Variants in AHR observed in about 807,000 individuals in gnomAD.
The protein encoded by AHR is AH-receptor.
AHR carries 40 observed loss-of-function variants against 86.8 expected under a neutral mutation model. That is an observed-to-expected ratio of 0.46 (90% CI 0.36 to 0.60). AHR has a LOEUF of 0.60. Among genes scored for constraint, AHR ranks in the 20% least tolerant of loss-of-function variants. AHR has a pLI of 0.00. For synonymous variants in AHR, 398 were observed against 354.9 expected, an observed-to-expected ratio of 1.12 and a Z score of -1.37; for missense variants, 1,001 against 1,011.6, an observed-to-expected ratio of 0.99 and a Z score of 0.14.
intron 2 of AHR, among the ~76,000 whole-genome samples, chr7:17,315,020 A>C (rs1479917958): frequency 6.6e-6 from 1 of 152,020 alleles, no homozygotes; most frequent in Non-Finnish European, 1.5e-5. Context: ...CTTTTTTCCT[A>C]ATTCACATTT....
In AHR at chr7:17,333,941, T is replaced by C; in HGVS notation, c.735T>C (p.Tyr245=). 6.2e-7 allele frequency: 1 copy of C among 1,613,264 alleles called. No individual in the cohort carries two copies. Among genetic ancestry groups the C allele is most frequent in the Non-Finnish European group, 8.5e-7 (1 of 1,179,386 alleles). ...LAMNFQGKLK[Y]LHGQKKKGKD... is the part of the protein sequence containing the mutation. ...TGAATTTCCAAGGGAAGTTAAAGTA[T>C]CTTCATGGACAGAAAAAGAAAGGGA... is the stretch of plus-strand genomic sequence containing the variant. The change falls in exon 7 of 11, where the codon TAT becomes TAC. Residue 245 remains tyrosine (Y), a synonymous_variant. Transcript: ENST00000242057.
chr7:17,325,529 A>G (rs1475720704), intron 3 of AHR, among the ~76,000 whole-genome samples: 1 of 152,238 alleles, frequency 6.6e-6, no homozygotes, highest in Non-Finnish European at 1.5e-5. Flanking sequence ...TGTGTTAGTC[A>G]TTAACTATTC....
intron 10 of AHR, among the ~76,000 whole-genome samples, chr7:17,342,019 A>G (rs1043937615): frequency 6.6e-6 from 1 of 152,158 alleles, no homozygotes; most frequent in Non-Finnish European, 1.5e-5. Context: ...GATACAGGTT[A>G]TATGATTTTT....
At chr7:17,314,087 G>A (rs565477669) in intron 2 of AHR, among the ~76,000 whole-genome samples, 6 of 151,988 alleles carry the variant, frequency 3.9e-5, no homozygotes, top group African/African-American at 1.4e-4. Context: ...TTTTTATACA[G>A]CTGCCCCAAA....
chr7:17,316,036 G>A (rs867733178), intron 2 of AHR, among the ~76,000 whole-genome samples: 1 of 152,124 alleles, frequency 6.6e-6, no homozygotes, highest in African/African-American at 2.4e-5. Context: ...ATGAGCAGGG[G>A]TAGTAAAAAG....
At chr7:17,299,626 A>C (rs542554355) in intron 1 of AHR, among the ~76,000 whole-genome samples, 1 of 152,324 alleles carries the variant, frequency 6.6e-6, no homozygotes, top group South Asian at 2.1e-4. Context: ...TGATTTGTTG[A>C]CAGCTCTGAT....
chr7:17,337,507 C>T (rs1244820484), intron 9 of AHR, among the ~76,000 whole-genome samples: 1 of 147,240 alleles, frequency 6.8e-6, no homozygotes, highest in Middle Eastern at 3.3e-3. Flanking sequence ...TGGAGTCTCG[C>T]TCTGTCGCCC....
intron 9 of AHR, 126 bp from the exon 10 acceptor site, chr7:17,338,855 GAAAAT>G (rs1782384376): frequency 4.4e-6 from 4 of 902,592 alleles, no homozygotes; most frequent in Non-Finnish European, 6.3e-6. Flanking sequence ...TAATTGAGGT[GAAAAT>G]AAAATATGTC....
chr7:17,305,471 A>C (rs1781996087), intron 1 of AHR, among the ~76,000 whole-genome samples: 1 of 152,116 alleles, frequency 6.6e-6, no homozygotes, highest in Admixed American at 6.6e-5. Flanking sequence ...TAGCTGTTAG[A>C]TGGAGAGTAG....
At chr7:17,340,378 T>A in intron 10 of AHR, 150 bp downstream of exon 10, 1 of 1,099,370 alleles carries the variant, frequency 9.1e-7, no homozygotes, top group Non-Finnish European at 1.2e-6. Flanking sequence ...ACTACCTTTT[T>A]TTTTTTTACA....
At chr7:17,312,388 C>T (rs1782074698) in intron 2 of AHR, among the ~76,000 whole-genome samples, 1 of 152,016 alleles carries the variant, frequency 6.6e-6, no homozygotes, top group African/African-American at 2.4e-5. Context: ...TAGGTTTTTC[C>T]TCTGTTTAGA....
chr7:17,343,038 G>A lies in AHR; in HGVS notation c.2521G>A (p.Asp841Asn), dbSNP rs939847475. The A allele has an allele frequency of 1.3e-5, 21 of 1,613,644 alleles. No homozygotes were observed. The highest frequency in any genetic ancestry group is 1.7e-5 in the Non-Finnish European group (20 of 1,179,846). ...HHPSEARPFP[D>N]LTSSGFL ...TCCGTCAGAAGCCAGACCTTTTCCT[G>A]ATTTGACATCCAGTGGATTCCTGTA... The change falls in exon 11 of 11, where the codon GAT becomes AAT. Residue 841 changes from aspartate to asparagine, a missense_variant. Asp to Asn is a conservative substitution (Grantham distance 23). Around this residue, in one of 2 missense-constraint regions of AHR, gnomAD observed 607 missense variants for 543.1 expected, o/e 1.12. Transcript: ENST00000242057.
Position 17,343,061 on chromosome 7 carries a change from G to A in AHR, c.2544G>A (p.Leu848=), listed in dbSNP as rs939690812. ...CTGATTTGACATCCAGTGGATTCCT[G>A]TAATTCCAAGCCCAATTTTGACCCT... The part of the protein sequence containing the change: ...PFPDLTSSGF[L] The change falls in exon 11 of 11, where the codon CTG becomes CTA. Residue 848 remains leucine (L), a synonymous_variant. Coordinates refer to ENST00000242057, the MANE Select transcript of AHR (RefSeq NM_001621.5). 1 of 1,613,616 alleles carries A rather than the reference G, an allele frequency of 6.2e-7. No individual in the cohort carries two copies. Among genetic ancestry groups the A allele is most frequent in the Non-Finnish European group, 8.5e-7 (1 of 1,179,814 alleles).
chr7:17,331,135 G>A (rs575308914), intron 6 of AHR, among the ~76,000 whole-genome samples: 1 of 151,980 alleles, frequency 6.6e-6, no homozygotes, highest in Admixed American at 6.6e-5. Flanking sequence ...AAGATGATCT[G>A]ATTAGTTGGC....
At chr7:17,326,721 C>T (rs938435739) in intron 3 of AHR, among the ~76,000 whole-genome samples, 38 of 152,232 alleles carry the variant, frequency 2.5e-4, no homozygotes, top group Admixed American at 7.2e-4. Flanking sequence ...ACCAAAGCCA[C>T]ACAGCTAGTA....
At chr7:17,313,634 C>A (rs1359353691) in intron 2 of AHR, among the ~76,000 whole-genome samples, 1 of 152,052 alleles carries the variant, frequency 6.6e-6, no homozygotes, top group Non-Finnish European at 1.5e-5. Context: ...TTATCCATTT[C>A]TAATTAATTA....
chr7:17,309,852 A>G (rs1782043791), intron 1 of AHR, 84 bp from the exon 2 acceptor site: 1 of 1,159,520 alleles, frequency 8.6e-7, no homozygotes, highest in African/African-American at 1.5e-5. Flanking sequence ...TTAGAGAAAT[A>G]TTTGAGGAGA....
At chr7:17,303,551 T>A (rs1040752492) in intron 1 of AHR, among the ~76,000 whole-genome samples, 4 of 152,138 alleles carry the variant, frequency 2.6e-5, no homozygotes, top group Admixed American at 2.6e-4. Context: ...TCCTGTCTTA[T>A]TGATTTGCTA....
intron 2 of AHR, among the ~76,000 whole-genome samples, chr7:17,318,884 TAAGG>T (rs1232288544): frequency 2.0e-5 from 3 of 152,120 alleles, no homozygotes; most frequent in South Asian, 2.1e-4. Flanking sequence ...AAGAAAATCA[TAAGG>T]AAGAGAAAAT....
Sources: gnomAD v4.1 joint callset for allele counts (sites outside exome capture counted in the v4.1 genomes callset) on GRCh38, gnomAD v4.1.1 for gene constraint, gnomAD v4.1.1 regional missense constraint, MANE v1.5 for transcripts, NCBI Gene and HGNC (gene_info 2026-07-23, HGNC 2026-07-21) for gene names.